COPA: variants seen among roughly 807,000 people sequenced by gnomAD.
COPA encodes coatomer subunit alpha.
COPA carries 10 observed loss-of-function variants against 158.7 expected under a neutral mutation model. That is an observed-to-expected ratio of 0.06 (90% CI 0.04 to 0.11). COPA has a LOEUF of 0.11. Among genes scored for constraint, COPA ranks in the 10% least tolerant of loss-of-function variants. The pLI, the probability that COPA is intolerant of heterozygous loss-of-function variation, is 1.00. For synonymous variants in COPA, 462 were observed against 542.8 expected, an observed-to-expected ratio of 0.85 and a Z score of 2.07; for missense variants, 1,065 against 1,536.7, an observed-to-expected ratio of 0.69 and a Z score of 5.13.
chr1:160,325,866 A>G (rs1427977740), intron 6 of COPA, among the ~76,000 whole-genome samples: 1 of 152,226 alleles, frequency 6.6e-6, no homozygotes, highest in Non-Finnish European at 1.5e-5. Context: ...TAACACTTAA[A>G]CAGATCCATT....
At position 160,300,004 on chromosome 1, in the gene COPA, A is replaced by G. The variant is rs370534877; in HGVS notation, c.1668-740T>C. Among the ~76,000 whole-genome samples, 18 of 152,286 alleles carry G rather than the reference A, an allele frequency of 1.2e-4. No individual in the cohort carries two copies. In the East Asian group the frequency reaches 3.1e-3, roughly 26 times the overall value. The stretch of plus-strand genomic sequence containing the variant: ...GAAAACAATAGGAATGAAAAAGGGG[A>G]TATCACTACAGATCTTGCAGAATAA... On this transcript the variant is annotated intron_variant, in intron 17 of 32. Coordinates refer to ENST00000241704, the MANE Select transcript of COPA (RefSeq NM_004371.4).
intron 17 of COPA, among the ~76,000 whole-genome samples, chr1:160,304,348 G>A (rs1658711743): frequency 6.6e-6 from 1 of 151,164 alleles, no homozygotes; most frequent in African/African-American, 2.4e-5. Context: ...TGGTGGGCAT[G>A]CAAATTGGTA....
At chr1:160,314,727 A>AT (rs1168601274) in intron 8 of COPA, among the ~76,000 whole-genome samples, 6 of 151,610 alleles carry the variant, frequency 4.0e-5, no homozygotes, top group Non-Finnish European at 5.9e-5. Flanking sequence ...AATTTTTGTT[A>AT]TTTTTTCTTT....
intron 10 of COPA, among the ~76,000 whole-genome samples, chr1:160,312,606 T>C (rs1659003321): frequency 6.6e-6 from 1 of 152,210 alleles, no homozygotes; most frequent in Non-Finnish European, 1.5e-5. Context: ...TTTCCATGTA[T>C]TCAGAATAAA....
At position 160,289,219 on chromosome 1, in the gene COPA, G is replaced by A. The variant is rs1358425117; in HGVS notation, c.*938C>T. 6.6e-6 allele frequency: 1 copy of A among 151,980 alleles called. No homozygotes were observed. Among genetic ancestry groups the A allele is most frequent in the Non-Finnish European group, 1.5e-5 (1 of 68,002 alleles). The allele number at this position is 151,980 out of a possible 1,614,324, so 9.4% of individuals were successfully genotyped here. A position where few individuals can be genotyped will look rare whatever the true frequency, so the allele number is the denominator to read the frequency against. On this transcript the variant is annotated 3_prime_UTR_variant, in exon 33 of 33. Transcript: ENST00000241704. ...GAAGGAAGATATGTACTTTGGTGGG[G>A]TGCCTGCATGGGTGAACAAGAACAT...
At position 160,288,964 on chromosome 1, in the gene COPA, C is replaced by G. The variant is rs1170767729; in HGVS notation, c.*1193G>C. On this transcript the variant is annotated 3_prime_UTR_variant, in exon 33 of 33. Coordinates refer to ENST00000241704, the MANE Select transcript of COPA (RefSeq NM_004371.4). ...ATATATACCCTATGAAAAACATGTGCTTCTTTTTTTCTTTCTTTTTTTTTG... is the reference window on the plus strand; with the variant it reads ...ATATATACCCTATGAAAAACATGTGGTTCTTTTTTTCTTTCTTTTTTTTTG... 6.6e-6 allele frequency among the ~76,000 whole-genome samples: 1 copy of G among 151,758 alleles called. No homozygotes were observed. Among genetic ancestry groups the G allele is most frequent in the Non-Finnish European group, 1.5e-5 (1 of 67,974 alleles).
At chr1:160,306,530 A>G (rs373560875) in intron 14 of COPA, 37 bp from the exon 15 acceptor site, 75 of 1,610,026 alleles carry the variant, frequency 4.7e-5, no homozygotes, top group African/African-American at 6.7e-5. Context: ...AAGAGAAGAA[A>G]TGTGTATAGA....
At position 160,294,869 on chromosome 1, in the gene COPA, A is replaced by G. The variant is rs773496404; in HGVS notation, c.2477-12T>C. 2 of 1,612,710 alleles carry G rather than the reference A, an allele frequency of 1.2e-6. No homozygotes were observed. The highest frequency in any genetic ancestry group is 1.1e-5 in the South Asian group (1 of 91,046). ...TGCTCCTCCCTTCCCTACAGAGGGAAGGAACAGAACGGAACTGGTTATAGT... is the reference window on the plus strand; with the variant it reads ...TGCTCCTCCCTTCCCTACAGAGGGAGGGAACAGAACGGAACTGGTTATAGT... On this transcript the variant is annotated splice_polypyrimidine_tract_variant and intron_variant, in intron 23 of 32. Transcript: ENST00000241704.
At chr1:160,321,685 C>T (rs563352217) in intron 8 of COPA, among the ~76,000 whole-genome samples, 80 of 152,144 alleles carry the variant, frequency 5.3e-4, no homozygotes, top group African/African-American at 1.8e-3. Flanking sequence ...CTACTCGAGA[C>T]GCTGAAGTAT....
At chr1:160,307,885 G>A (rs1658839387) in intron 13 of COPA, among the ~76,000 whole-genome samples, 1 of 152,202 alleles carries the variant, frequency 6.6e-6, no homozygotes, top group South Asian at 2.1e-4. Flanking sequence ...ACAGAAGGGT[G>A]CATCAAAATA....
At chr1:160,310,964 G>C (rs187774473) in intron 11 of COPA, among the ~76,000 whole-genome samples, 6 of 152,254 alleles carry the variant, frequency 3.9e-5, no homozygotes, top group African/African-American at 7.2e-5. Context: ...GCTTGCAAGA[G>C]ACCCAGCAAA....
At chr1:160,333,826 G>A (rs1448786048) in intron 4 of COPA, 147 bp from the exon 5 acceptor site, 1 of 577,876 alleles carries the variant, frequency 1.7e-6, no homozygotes, top group African/African-American at 1.9e-5. Flanking sequence ...CAGGTTAGCT[G>A]TCTCCTTTTC....
intron 23 of COPA, 42 bp downstream of exon 23, chr1:160,295,694 A>C (rs1052925824): frequency 6.4e-7 from 1 of 1,558,648 alleles, no homozygotes; most frequent in Non-Finnish European, 8.6e-7. Context: ...AGTTCTTCAC[A>C]AAACAAACAA....
At chr1:160,300,301 T>C (rs947705431) in intron 17 of COPA, among the ~76,000 whole-genome samples, 1 of 151,170 alleles carries the variant, frequency 6.6e-6, no homozygotes, top group East Asian at 1.9e-4. Context: ...GGTCGTACCA[T>C]TGCACTCCAG....
intron 10 of COPA, 47 bp from the exon 11 acceptor site, chr1:160,312,065 A>G (rs1206078765): frequency 6.3e-7 from 1 of 1,594,452 alleles, no homozygotes; most frequent in Admixed American, 1.7e-5. Flanking sequence ...GTAGGCAAGA[A>G]AAAAACCTGG....
chr1:160,336,073 C>T lies in COPA; in HGVS notation c.229-751G>A, dbSNP rs771470298. ...TTTAAAAAGTATGACAGGCTGGGCA[C>T]GATGGCTCATACCTGTAATCCCAGC... On this transcript the variant is annotated intron_variant, in intron 3 of 32. Coordinates refer to ENST00000241704, the MANE Select transcript of COPA (RefSeq NM_004371.4). Among the ~76,000 whole-genome samples, 9 of 149,792 alleles carry T rather than the reference C, an allele frequency of 6.0e-5. No homozygotes were observed. The South Asian group carries it at 8.5e-4, about 14-fold the overall frequency.
chr1:160,328,376 G>C (rs887917643), intron 6 of COPA, among the ~76,000 whole-genome samples: 5 of 152,182 alleles, frequency 3.3e-5, no homozygotes, highest in African/African-American at 1.2e-4. Flanking sequence ...AAAAGGGGAA[G>C]GGCAAAAACA....
intron 6 of COPA, among the ~76,000 whole-genome samples, chr1:160,325,879 TG>T (rs1242328454): frequency 6.6e-6 from 1 of 152,244 alleles, no homozygotes; most frequent in Non-Finnish European, 1.5e-5. Context: ...GATCCATTAC[TG>T]GAATTTCTTT....
chr1:160,305,264 A>T (rs1450241440), intron 17 of COPA, 169 bp downstream of exon 17: 4 of 580,326 alleles, frequency 6.9e-6, no homozygotes, highest in Non-Finnish European at 1.2e-5. Flanking sequence ...TAGATTTCTC[A>T]ATTTTAAAAA....
Sources: allele counts gnomAD v4.1 joint callset (sites outside exome capture counted in the v4.1 genomes callset), GRCh38; gene constraint gnomAD v4.1.1; transcripts MANE v1.5; gene names NCBI Gene and HGNC (gene_info 2026-07-23, HGNC 2026-07-21).